Variants in SORCS1 observed in about 807,000 individuals in gnomAD.
The protein encoded by SORCS1 is VPS10 domain-containing receptor SorCS1.
SORCS1 carries 60 observed loss-of-function variants against 146.1 expected under a neutral mutation model. The observed-to-expected ratio is 0.41, with a 90% confidence interval of 0.33 to 0.51. The LOEUF is 0.51. SORCS1 is among the 20% of genes least tolerant of loss of function. The pLI is 0.21. For synonymous variants in SORCS1, 637 were observed against 584.0 expected, an observed-to-expected ratio of 1.09 and a Z score of -1.31; for missense variants, 1,352 against 1,487.6, an observed-to-expected ratio of 0.91 and a Z score of 1.50.
chr10:107,102,996 T>A (rs1032679266), intron 1 of SORCS1, among the ~76,000 whole-genome samples: 4 of 152,142 alleles, frequency 2.6e-5, no homozygotes, highest in Admixed American at 2.6e-4. Context: ...GCAGATAACA[T>A]TTTTTGCCTA....
intron 21 of SORCS1, among the ~76,000 whole-genome samples, chr10:106,615,727 G>T (rs890434616): frequency 6.6e-6 from 1 of 152,156 alleles, no homozygotes; most frequent in African/African-American, 2.4e-5. Flanking sequence ...GCAGGAATTT[G>T]GTTAGAAGAG....
rs1946855602 is a variant in SORCS1, at chr10:106,801,253, A to T, written c.727-24561T>A. Among the ~76,000 whole-genome samples, 4 of 152,362 alleles carry T rather than the reference A, an allele frequency of 2.6e-5. No individual in the cohort carries two copies. In the South Asian group the frequency reaches 8.3e-4, roughly 32 times the overall value. On this transcript the variant is annotated intron_variant, in intron 3 of 25. Coordinates refer to ENST00000263054, the MANE Select transcript of SORCS1 (RefSeq NM_052918.5). Reference sequence around the variant, plus strand: ...AGGAAAGCAGGAAGGACAAGAGAATAAACAGAAAGAAGAAAATAGGAAAGG... The same window carrying T: ...AGGAAAGCAGGAAGGACAAGAGAATTAACAGAAAGAAGAAAATAGGAAAGG...
chr10:107,116,122 G>A (rs1966022255), intron 1 of SORCS1, among the ~76,000 whole-genome samples: 2 of 148,190 alleles, frequency 1.3e-5, no homozygotes, highest in African/African-American at 5.2e-5. Flanking sequence ...GGTAATTATT[G>A]GTGAAGGTGG....
chr10:106,665,836 T>TTTTG (rs944610876), intron 17 of SORCS1, among the ~76,000 whole-genome samples: 2 of 152,044 alleles, frequency 1.3e-5, no homozygotes, highest in Admixed American at 6.6e-5. Context: ...TCTGTGGGTT[T>TTTTG]TTTGTTTGTT....
intron 5 of SORCS1, among the ~76,000 whole-genome samples, chr10:106,739,015 T>C (rs193290588): frequency 3.5e-4 from 53 of 152,260 alleles, no homozygotes; most frequent in African/African-American, 1.2e-3. Flanking sequence ...GCAAGGTTAG[T>C]GGACTAGGTA....
chr10:106,801,854 A>C (rs1303112083), intron 3 of SORCS1, among the ~76,000 whole-genome samples: 1 of 152,124 alleles, frequency 6.6e-6, no homozygotes, highest in Non-Finnish European at 1.5e-5. Context: ...TTTACAGATG[A>C]ATATGCTGAG....
chr10:107,163,664 C>T (rs973731624), intron 1 of SORCS1, among the ~76,000 whole-genome samples: 1 of 152,052 alleles, frequency 6.6e-6, no homozygotes, highest in Non-Finnish European at 1.5e-5. Context: ...GAACTTTAAC[C>T]CCTCTGTTTA....
intron 24 of SORCS1, among the ~76,000 whole-genome samples, chr10:106,580,292 C>A (rs1474386005): frequency 6.6e-6 from 1 of 152,150 alleles, no homozygotes; most frequent in Non-Finnish European, 1.5e-5. Context: ...GATGCTCCAG[C>A]CTCTCAAACA....
chr10:106,679,724 G>T lies in SORCS1; in HGVS notation c.1571C>A (p.Ser524Ter). 1 of 1,609,280 alleles carries T rather than the reference G, an allele frequency of 6.2e-7. No individual in the cohort carries two copies. The highest frequency in any genetic ancestry group is 1.1e-5 in the South Asian group (1 of 90,182). ...DPVHCLLPYC[S>*]LHLHLKVSEN... ...AGAGACCTTCAGGTGAAGGTGTAGTGAGCAATAGGGCTGAAAAGAGAAATA... is the reference window on the plus strand; with the variant it reads ...AGAGACCTTCAGGTGAAGGTGTAGTTAGCAATAGGGCTGAAAAGAGAAATA... The change falls in exon 11 of 26, where the codon TCA (serine) becomes TAA (stop). Residue 524 changes from serine to a stop codon, truncating the protein, a stop_gained. Coordinates refer to ENST00000263054, the MANE Select transcript of SORCS1 (RefSeq NM_052918.5). LOFTEE classifies it high-confidence loss of function.
At chr10:107,137,281 C>T (rs995125076) in intron 1 of SORCS1, among the ~76,000 whole-genome samples, 8 of 152,154 alleles carry the variant, frequency 5.3e-5, no homozygotes, top group African/African-American at 1.9e-4. Flanking sequence ...TGTACTGATC[C>T]TACTGGGTCC....
intron 1 of SORCS1, among the ~76,000 whole-genome samples, chr10:106,986,535 T>TGTGC (rs1177722562): frequency 6.6e-6 from 1 of 151,410 alleles, no homozygotes. Flanking sequence ...TGTGTGTGTG[T>TGTGC]GTGTGTGTGT....
chr10:107,046,713 G>A (rs2134022237), intron 1 of SORCS1, among the ~76,000 whole-genome samples: 1 of 152,260 alleles, frequency 6.6e-6, no homozygotes, highest in South Asian at 2.1e-4. Flanking sequence ...TTCCAAAGAA[G>A]GGATTATTTG....
upstream of SORCS1, among the ~76,000 whole-genome samples, chr10:107,169,691 G>C (rs1022580695): frequency 5.3e-5 from 8 of 152,122 alleles, no homozygotes; most frequent in African/African-American, 1.9e-4. Context: ...CCAAAAGATA[G>C]GTAGGGGGCA....
intron 1 of SORCS1, among the ~76,000 whole-genome samples, chr10:107,076,797 G>A (rs1176698464): frequency 6.6e-6 from 1 of 152,096 alleles, no homozygotes; most frequent in East Asian, 1.9e-4. Flanking sequence ...GGTTCTGATG[G>A]TGGCTGTTAT....
intron 1 of SORCS1, among the ~76,000 whole-genome samples, chr10:107,150,834 T>C (rs1968732447): frequency 6.6e-6 from 1 of 152,144 alleles, no homozygotes. Flanking sequence ...AAGAAGGAGG[T>C]GTTTGCATTC....
At chr10:106,719,516 G>A (rs2756233) in intron 6 of SORCS1, among the ~76,000 whole-genome samples, 120,819 of 151,662 alleles carry the variant, frequency 0.8, 50,816 homozygotes, top group Non-Finnish European at 0.94. Context: ...AGGTTCAAGC[G>A]ATTCTCCTGC....
intron 1 of SORCS1, among the ~76,000 whole-genome samples, chr10:107,151,099 G>T (rs1296741843): frequency 1.3e-5 from 2 of 152,162 alleles, no homozygotes; most frequent in African/African-American, 2.4e-5. Context: ...GAAGACAGGA[G>T]GATGTTAGAA....
At chr10:106,978,527 TG>T (rs1403963405) in intron 1 of SORCS1, among the ~76,000 whole-genome samples, 3 of 152,234 alleles carry the variant, frequency 2.0e-5, no homozygotes, top group Admixed American at 1.3e-4. Context: ...TGGCCGGGCA[TG>T]GTAGCTCACG....
At chr10:106,869,666 A>C (rs1381302903) in intron 2 of SORCS1, among the ~76,000 whole-genome samples, 4 of 152,206 alleles carry the variant, frequency 2.6e-5, no homozygotes, top group Non-Finnish European at 5.9e-5. Context: ...AACTCTCAAT[A>C]AACTAGGTAT....
Sources: allele counts gnomAD v4.1 joint callset (sites outside exome capture counted in the v4.1 genomes callset), GRCh38; gene constraint gnomAD v4.1.1; transcripts MANE v1.5; gene names NCBI Gene and HGNC (gene_info 2026-07-23, HGNC 2026-07-21).